The following CDH20 variants were observed in gnomAD, a reference collection of about 807,000 sequenced individuals.
CDH20 encodes cadherin 20.
A neutral mutation model predicts 74.2 loss-of-function variants in CDH20; 29 were observed. The ratio of observed to expected loss-of-function variants is 0.39; its 90% CI spans 0.29 to 0.53. CDH20 has a LOEUF of 0.53. CDH20 is among the 20% of genes least tolerant of loss of function. The pLI is 0.69. For missense variants in CDH20, 988 were observed against 1,048.3 expected (o/e 0.94, Z 0.79); for synonymous variants, 469 against 405.4 (o/e 1.16, Z -1.88).
intron 1 of CDH20, among the ~76,000 whole-genome samples, chr18:61,371,284 G>A (rs548744769): frequency 3.5e-4 from 53 of 152,120 alleles, no homozygotes; most frequent in Non-Finnish European, 6.8e-4. Context: ...ATTAGTGCTG[G>A]TTGACTTGTT....
rs541786298 is a variant in CDH20 at position 61,350,766 on chromosome 18, C to T, written c.-153+16939C>T. 3.9e-5 allele frequency among the ~76,000 whole-genome samples: 6 copies of T among 152,316 alleles called. No homozygotes were observed. The South Asian group carries it at 6.2e-4, about 16-fold the overall frequency. ...ATGACTCAGAAATTTGGGCTGCTTC[C>T]ATCTGGTGGCTCTGCCTCCTCTAGG... On this transcript the variant is annotated intron_variant, in intron 1 of 11. Coordinates refer to ENST00000262717, the MANE Select transcript of CDH20 (RefSeq NM_031891.4).
At chr18:61,542,839 A>G (rs1913089474) in intron 9 of CDH20, among the ~76,000 whole-genome samples, 1 of 152,072 alleles carries the variant, frequency 6.6e-6, no homozygotes, top group Admixed American at 6.6e-5. Flanking sequence ...GCAGGAGGGG[A>G]AGGTGCCAGG....
At chr18:61,499,001 C>T (rs1911266389) in intron 2 of CDH20, among the ~76,000 whole-genome samples, 185 bp from the exon 3 acceptor site, 1 of 152,090 alleles carries the variant, frequency 6.6e-6, no homozygotes. Context: ...ACTTAATCAA[C>T]CTACACCCAC....
intron 8 of CDH20, among the ~76,000 whole-genome samples, chr18:61,538,604 T>G (rs1207999127): frequency 4.6e-5 from 2 of 43,470 alleles, no homozygotes; most frequent in African/African-American, 1.6e-4. Context: ...TTGTTTTTGT[T>G]TTTGTTTTTG....
intron 1 of CDH20, among the ~76,000 whole-genome samples, chr18:61,429,022 T>G (rs1158665323): frequency 1.3e-5 from 2 of 152,140 alleles, no homozygotes; most frequent in Non-Finnish European, 2.9e-5. Context: ...CACCACACCC[T>G]GTGACATATC....
chr18:61,524,837 C>A (rs1912330700), intron 6 of CDH20, among the ~76,000 whole-genome samples: 1 of 152,128 alleles, frequency 6.6e-6, no homozygotes, highest in Non-Finnish European at 1.5e-5. Context: ...AGAAGAGTCG[C>A]CTGAACCCGG....
chr18:61,543,339 T>C (rs1476418815), intron 9 of CDH20, among the ~76,000 whole-genome samples: 2 of 152,164 alleles, frequency 1.3e-5, no homozygotes, highest in Admixed American at 1.3e-4. Flanking sequence ...AACAGCAGGA[T>C]TGGCAAGTCT....
intron 1 of CDH20, among the ~76,000 whole-genome samples, chr18:61,451,649 C>G (rs1909390823): frequency 6.6e-6 from 1 of 151,722 alleles, no homozygotes; most frequent in Admixed American, 6.6e-5. Context: ...AGCCACATAT[C>G]AGATTTAATG....
At chr18:61,440,523 G>T (rs989116692) in intron 1 of CDH20, among the ~76,000 whole-genome samples, 11 of 152,172 alleles carry the variant, frequency 7.2e-5, no homozygotes, top group Admixed American at 7.2e-4. Flanking sequence ...CAAAGCAACA[G>T]ACTTATGGCT....
intron 1 of CDH20, among the ~76,000 whole-genome samples, chr18:61,489,994 G>A (rs1708191407): frequency 6.6e-6 from 1 of 152,084 alleles, no homozygotes; most frequent in Admixed American, 6.5e-5. Flanking sequence ...AAGCAGTTGG[G>A]CTAATGGAAA....
At position 61,554,689 on chromosome 18, in the gene CDH20, G is replaced by A; in HGVS notation, c.2400G>A (p.Leu800=). 6.4e-7 allele frequency: 1 copy of A among 1,564,574 alleles called. No individual in the cohort carries two copies. Among genetic ancestry groups the A allele is most frequent in the Non-Finnish European group, 8.7e-7 (1 of 1,154,370 alleles). ...LYGASEGPAP[L]W ...GGGCGTCGGAGGGACCCGCGCCGCT[G>A]TGGTGACGGAAGCCAGGAGGCAGGC... Residue 800 remains leucine, a synonymous_variant, in exon 12 of 12, where the codon CTG becomes CTA. Coordinates refer to ENST00000262717, the MANE Select transcript of CDH20 (RefSeq NM_031891.4).
At chr18:61,421,689 T>C (rs764821158) in intron 1 of CDH20, among the ~76,000 whole-genome samples, 1 of 152,180 alleles carries the variant, frequency 6.6e-6, no homozygotes, top group African/African-American at 2.4e-5. Context: ...GGTAGATATA[T>C]ATACCAATTA....
At chr18:61,441,109 C>G (rs1446347883) in intron 1 of CDH20, among the ~76,000 whole-genome samples, 1 of 152,084 alleles carries the variant, frequency 6.6e-6, no homozygotes, top group East Asian at 1.9e-4. Context: ...ATCTTCCTAC[C>G]TTCAAAAACT....
intron 1 of CDH20, among the ~76,000 whole-genome samples, chr18:61,447,235 G>A (rs1349552955): frequency 1.3e-5 from 2 of 152,214 alleles, no homozygotes; most frequent in African/African-American, 4.8e-5. Context: ...TGAGATGCCT[G>A]TGGGAATCCA....
In CDH20 at chr18:61,545,121, A is replaced by G. The variant is rs745731201; in HGVS notation, c.1625A>G (p.Asn542Ser). Residue 542 changes from asparagine to serine, a missense_variant, in exon 10 of 12, where the codon AAC becomes AGC. By Grantham distance (46) the Asn-to-Ser change is conservative (BLOSUM62 1). Transcript: ENST00000262717. ...SLAPEAANNPNFTIRDNQDNT... is the reference protein window; with the variant it reads ...SLAPEAANNPSFTIRDNQDNT... ...GCTCCTGAGGCTGCTAACAACCCCA[A>G]CTTTACCATAAGGGACAACCAAGGT... The G allele has an allele frequency of 3.4e-5, 55 of 1,612,116 alleles. No individual in the cohort carries two copies. In the Middle Eastern group the frequency reaches 8.2e-4, roughly 24 times the overall value.
chr18:61,339,736 G>T (rs1909881462), intron 1 of CDH20, among the ~76,000 whole-genome samples: 1 of 124,578 alleles, frequency 8.0e-6, no homozygotes, highest in Non-Finnish European at 1.6e-5. Context: ...CGCCTAGGCT[G>T]GAGTGCAGTG....
chr18:61,381,183 T>G (rs1001942758), intron 1 of CDH20, among the ~76,000 whole-genome samples: 1 of 152,178 alleles, frequency 6.6e-6, no homozygotes, highest in Non-Finnish European at 1.5e-5. Flanking sequence ...TGTCAGTCAT[T>G]TGAAGAGGAC....
At chr18:61,549,689 A>T (rs1166000677) in intron 10 of CDH20, among the ~76,000 whole-genome samples, 1 of 152,174 alleles carries the variant, frequency 6.6e-6, no homozygotes, top group Non-Finnish European at 1.5e-5. Flanking sequence ...TTAGATCTGA[A>T]GTCTGACAGT....
chr18:61,541,747 C>G (rs557017778), intron 9 of CDH20, among the ~76,000 whole-genome samples: 154 of 152,298 alleles, frequency 1.0e-3, no homozygotes, highest in African/African-American at 3.2e-3. Flanking sequence ...GGATACTGTC[C>G]TCAGCTTCAC....
Sources: allele counts gnomAD v4.1 joint callset (sites outside exome capture counted in the v4.1 genomes callset), GRCh38; gene constraint gnomAD v4.1.1; transcripts MANE v1.5; gene names NCBI Gene and HGNC (gene_info 2026-07-23, HGNC 2026-07-21).